NOS2: variants seen among roughly 807,000 people sequenced by gnomAD.
NOS2 encodes the protein nitric oxide synthase 2, also known as nitric oxide synthase, inducible.
NOS2 carries 96 observed loss-of-function variants against 136.0 expected under a neutral mutation model. The ratio of observed to expected loss-of-function variants is 0.71; its 90% CI spans 0.60 to 0.84. The LOEUF is 0.84. Among genes scored for constraint, NOS2 ranks in the 40% least tolerant of loss-of-function variants. The pLI is 0.00. For missense variants in NOS2, 1,237 were observed against 1,496.9 expected (o/e 0.83, Z 2.87); for synonymous variants, 539 against 587.5 (o/e 0.92, Z 1.20).
chr17:27,795,591 T>C (rs545348286), intron 2 of NOS2, among the ~76,000 whole-genome samples: 2 of 152,204 alleles, frequency 1.3e-5, no homozygotes, highest in Non-Finnish European at 2.9e-5. Flanking sequence ...GGCAGCCCCA[T>C]GCAGGGGTCC....
intron 2 of NOS2, among the ~76,000 whole-genome samples, chr17:27,792,815 CAAAA>C (rs34992777): frequency 5.7e-5 from 3 of 52,510 alleles, no homozygotes; most frequent in Admixed American, 2.8e-4. Flanking sequence ...CCTATCTCTA[CAAAA>C]AAAAAAAAAA....
Position 27,757,337 on chromosome 17 carries a change from T to C in NOS2, c.3371A>G (p.His1124Arg). The C allele has an allele frequency of 2.5e-6, 4 of 1,614,072 alleles. No individual in the cohort carries two copies. The highest frequency in any genetic ancestry group is 4.5e-5 in the East Asian group (2 of 44,886). ...AAATACAGCACCAAAGATATCTTCG[T>C]GATAGCGCTTCTGGCTCTTTTAGGT... ...FFQLKSQKRY[H>R]EDIFGAVFPY... is the part of the protein sequence containing the mutation. The change falls in exon 27 of 27, where the codon CAC becomes CGC. Residue 1124 changes from histidine (H) to arginine (R), a missense_variant. Physicochemically the swap from His to Arg is conservative, Grantham distance 29. This residue lies in a region of NOS2 where 782 missense variants were observed against 909.9 expected (regional missense o/e 0.86). Transcript: ENST00000313735.
chr17:27,771,580 T>G (rs1908497171), intron 14 of NOS2, among the ~76,000 whole-genome samples: 1 of 152,260 alleles, frequency 6.6e-6, no homozygotes, highest in Non-Finnish European at 1.5e-5. Context: ...GGCCTAAGCC[T>G]CTACGTGGCA....
chr17:27,768,951 T>C (rs1256837149), intron 17 of NOS2, 26 bp downstream of exon 17: 2 of 1,570,016 alleles, frequency 1.3e-6, no homozygotes, highest in Admixed American at 1.8e-5. Context: ...GTCCCTGCTG[T>C]GGGGCAGCTC....
intron 2 of NOS2, among the ~76,000 whole-genome samples, chr17:27,791,393 G>C (rs1275921920): frequency 2.0e-5 from 3 of 152,126 alleles, no homozygotes; most frequent in South Asian, 2.1e-4. Context: ...CTCCATCCTT[G>C]ATAGCTTGTC....
chr17:27,759,116 C>G, intron 25 of NOS2, 41 bp from the exon 26 acceptor site: 3 of 1,432,142 alleles, frequency 2.1e-6, no homozygotes, highest in South Asian at 1.5e-5. Flanking sequence ...CTCAGCTGCT[C>G]AGGACAAGGC....
Position 27,780,906 on chromosome 17 carries a change from G to A in NOS2, c.865C>T (p.Leu289=). 2 of 1,612,106 alleles carry A rather than the reference G, an allele frequency of 1.2e-6. No individual in the cohort carries two copies. The highest frequency in any genetic ancestry group is 1.7e-5 in the Admixed American group (1 of 59,888). The change falls in exon 9 of 27, where the codon CTG becomes TTG. Residue 289 remains leucine (L), a splice_region_variant and synonymous_variant. Transcript: ENST00000313735. ...GGCTTCCAGCCCAGGTCGATGCACA[G>A]CTGGGGAACAAGACGGGCCCTGTGA... ...GDPANVEFTQ[L]CIDLGWKPKY...
chr17:27,797,701 GC>G (rs1220050190), intron 2 of NOS2, among the ~76,000 whole-genome samples: 2 of 152,204 alleles, frequency 1.3e-5, no homozygotes, highest in African/African-American at 2.4e-5. Context: ...TTGCACTATT[GC>G]GTTATTGCAG....
chr17:27,763,906 C>T (rs1454284367), intron 21 of NOS2, 75 bp downstream of exon 21: 2 of 1,254,060 alleles, frequency 1.6e-6, no homozygotes, highest in African/African-American at 1.6e-5. Context: ...AAAGTTAAAA[C>T]CAGCTCTGGA....
intron 2 of NOS2, among the ~76,000 whole-genome samples, chr17:27,791,440 C>T (rs780631820): frequency 6.6e-6 from 1 of 152,178 alleles, no homozygotes; most frequent in Non-Finnish European, 1.5e-5. Context: ...ATCCTCCATC[C>T]TCCCCCAGGC....
chr17:27,785,089 T>C (rs1313636867), intron 5 of NOS2, among the ~76,000 whole-genome samples: 1 of 151,826 alleles, frequency 6.6e-6, no homozygotes, highest in Non-Finnish European at 1.5e-5. Flanking sequence ...AGAGCATTGA[T>C]GGGAAAAGCA....
At chr17:27,769,221 A>C in intron 16 of NOS2, 70 bp from the exon 17 acceptor site, 2 of 1,457,440 alleles carry the variant, frequency 1.4e-6, no homozygotes, top group Non-Finnish European at 9.3e-7. Flanking sequence ...CCCAGCACCA[A>C]CAGCCTGGAG....
intron 12 of NOS2, among the ~76,000 whole-genome samples, chr17:27,773,851 C>A (rs936702505): frequency 2.0e-5 from 3 of 152,158 alleles, no homozygotes; most frequent in African/African-American, 7.2e-5. Flanking sequence ...GAAGCCCATC[C>A]CTTTTAGAGA....
At chr17:27,758,348 C>T (rs1907995446) in intron 26 of NOS2, among the ~76,000 whole-genome samples, 1 of 152,172 alleles carries the variant, frequency 6.6e-6, no homozygotes, top group Admixed American at 6.5e-5. Context: ...TCATAAAGTC[C>T]TCGGCAGGAC....
In NOS2 at chr17:27,765,704, G is replaced by A; in HGVS notation, c.2259C>T (p.Ile753=). The A allele has an allele frequency of 6.2e-7, 1 of 1,605,004 alleles. No homozygotes were observed. The highest frequency in any genetic ancestry group is 1.7e-5 in the Admixed American group (1 of 58,472). The change falls in exon 20 of 27, where the codon ATC becomes ATT. Residue 753 remains isoleucine (I), a synonymous_variant. Transcript: ENST00000313735. ...LQSPTSSRAT[I]LVELSCEDGQ... ...CATCCTCACAGGAGAGTTCCACCAG[G>A]ATGGTGGCACGGCTGGGGAAGGAAA...
In NOS2 at chr17:27,762,820, G is replaced by A. The variant is rs747703735; in HGVS notation, c.2778C>T (p.Ala926=). Residue 926 remains alanine, a synonymous_variant, in exon 22 of 27, where the codon GCC becomes GCT. Transcript: ENST00000313735. ...HTPTEIHLTV[A]VVTYHTRDGQ... is the part of the protein sequence containing the mutation. ...CACCTCGGGTGTGGTAGGTGACCAC[G>A]GCCACAGTCAGGTGGATCTCTGTGG... The A allele has an allele frequency of 9.0e-6, 14 of 1,554,408 alleles. No individual in the cohort carries two copies. The highest frequency in any genetic ancestry group is 4.8e-5 in the East Asian group (2 of 41,624).
At chr17:27,786,264 TA>T (rs67088217) in intron 5 of NOS2, among the ~76,000 whole-genome samples, 26,828 of 143,002 alleles carry the variant, frequency 0.19, 2,495 homozygotes, top group African/African-American at 0.22. Flanking sequence ...CAACTAAAAA[TA>T]AAAAAAAAAA....
intron 5 of NOS2, among the ~76,000 whole-genome samples, chr17:27,784,844 C>T (rs968468869): frequency 2.0e-5 from 3 of 152,194 alleles, no homozygotes; most frequent in Non-Finnish European, 2.9e-5. Context: ...TGCCATTCCC[C>T]GTTCACACCC....
intron 2 of NOS2, chr17:27,793,927 A>G (rs1909274785): frequency 5.5e-6 from 2 of 363,798 alleles, no homozygotes; most frequent in East Asian, 4.0e-5. Flanking sequence ...CGGAGTTTGG[A>G]TGGCACTGGA....
Sources: allele counts gnomAD v4.1 joint callset (sites outside exome capture counted in the v4.1 genomes callset), GRCh38; gene constraint gnomAD v4.1.1; regional missense constraint gnomAD v4.1.1; transcripts MANE v1.5; gene names NCBI Gene and HGNC (gene_info 2026-07-23, HGNC 2026-07-21).